Variants in MGAT5B observed in about 807,000 individuals in gnomAD.
MGAT5B encodes alpha-1,6-mannosylglycoprotein 6-beta-N-acetylglucosaminyltransferase B.
Under a neutral mutation model 95.1 loss-of-function variants are expected in MGAT5B, and 54 were observed. The ratio of observed to expected loss-of-function variants is 0.57; its 90% CI spans 0.46 to 0.71. The LOEUF is 0.71. MGAT5B is among the 30% of genes least tolerant of loss of function. MGAT5B has a pLI of 0.00. For synonymous variants in MGAT5B, 464 were observed against 451.0 expected (o/e 1.03, Z -0.36); for missense variants, 935 against 1,088.6 (o/e 0.86, Z 1.99).
chr17:76,938,262 C>CAGGGCAGCAGAGCA lies in MGAT5B; in HGVS notation c.1584+119_1584+120insAGGGCAGCAGAGCA. 7.5e-7 allele frequency: 1 copy of CAGGGCAGCAGAGCA among 1,333,462 alleles called. No individual in the cohort carries two copies. The highest frequency in any genetic ancestry group is 1.5e-5 in the African/African-American group (1 of 68,884). 82.6% of individuals were successfully genotyped at this position (1,333,462 alleles called of 1,614,324 possible). ...ACATATGGACATACCCCAGCATGCT[C>CAGGGCAGCAGAGCA]TGCTGCCCTGAGCCCCACATCTGGC... On this transcript the variant is annotated intron_variant, in intron 13 of 17. Coordinates refer to ENST00000569840, the MANE Select transcript of MGAT5B (RefSeq NM_001199172.2). The surrounding 1 kb of genome is among the most constrained non-coding windows in gnomAD (Gnocchi z 4.3).
chr17:76,883,636 G>A (rs1443919574), intron 3 of MGAT5B, among the ~76,000 whole-genome samples: 3 of 152,172 alleles, frequency 2.0e-5, no homozygotes, highest in East Asian at 3.8e-4. Flanking sequence ...CCAGGGAGAC[G>A]AGCTCCACTT....
At chr17:76,928,414 G>A (rs1160922652) in intron 10 of MGAT5B, among the ~76,000 whole-genome samples, 1 of 152,024 alleles carries the variant, frequency 6.6e-6, no homozygotes, top group Non-Finnish European at 1.5e-5. Flanking sequence ...CACTTAGAAG[G>A]GAAGCAGTCA....
At chr17:76,902,511 AC>A (rs1968349695) in intron 3 of MGAT5B, 43 bp from the exon 4 acceptor site, 3 of 1,459,366 alleles carry the variant, frequency 2.1e-6, no homozygotes, top group East Asian at 5.0e-5. Context: ...TGGGAAGGTC[AC>A]CCCGGCCGGT....
rs756720237 is a variant in MGAT5B, at chr17:76,940,564, C to G, written c.1731+16C>G. On this transcript the variant is annotated intron_variant, in intron 14 of 17. Transcript: ENST00000569840. The surrounding 1 kb of genome is among the most constrained non-coding windows in gnomAD (Gnocchi z 4.3). ...CTCCAGAGAGGTGAGTGGAAAGCAT[C>G]CTGGTCCCCGATCAGGAGGGGCCGG... The G allele has an allele frequency of 1.2e-6, 2 of 1,600,576 alleles. No homozygotes were observed. The highest frequency in any genetic ancestry group is 2.2e-5 in the South Asian group (2 of 89,904).
intron 2 of MGAT5B, among the ~76,000 whole-genome samples, chr17:76,879,889 TA>T (rs1967342593): frequency 6.6e-6 from 1 of 152,164 alleles, no homozygotes; most frequent in Admixed American, 6.5e-5. Flanking sequence ...CAGCCCAAGT[TA>T]TGAGCGATGG....
rs888932334 is a variant in MGAT5B, at chr17:76,949,066, G to A, written c.*228G>A. ...AGGCAGGCTCCGGTTCTCTCCTGGG[G>A]ACTCACAGAAGCATCGTGGCCAAGC... On this transcript the variant is annotated 3_prime_UTR_variant, in exon 18 of 18. Coordinates refer to ENST00000569840, the MANE Select transcript of MGAT5B (RefSeq NM_001199172.2). 4.0e-5 allele frequency: 24 copies of A among 601,500 alleles called. No homozygotes were observed. Among genetic ancestry groups the A allele is most frequent in the African/African-American group, 2.8e-4 (15 of 53,810 alleles). The allele number at this position is 601,500 out of a possible 1,614,324, so 37.3% of individuals were successfully genotyped here.
At chr17:76,892,048 G>T (rs1482220064) in intron 3 of MGAT5B, among the ~76,000 whole-genome samples, 1 of 152,166 alleles carries the variant, frequency 6.6e-6, no homozygotes, top group African/African-American at 2.4e-5. Flanking sequence ...GGGCCAGGAG[G>T]TAGGAAGTCT....
chr17:76,896,985 C>G (rs939391810), intron 3 of MGAT5B, among the ~76,000 whole-genome samples: 25 of 152,068 alleles, frequency 1.6e-4, no homozygotes, highest in Non-Finnish European at 3.7e-4. Context: ...GCAGTGTGAT[C>G]ATGGCTCACT....
At position 76,870,386 on chromosome 17, in the gene MGAT5B, C is replaced by A. The variant is rs746113135; in HGVS notation, c.68+1289C>A. On this transcript the variant is annotated intron_variant, in intron 1 of 17. Transcript: ENST00000569840. This position sits in a 1 kb window ranked among gnomAD's most constrained non-coding sequence, Gnocchi z 5.0. ...CGTCGGGAGCCCATGGGAAGCAGGG[C>A]GGGAAGCAGGCGTCTCTGGAAAGGG... Among the ~76,000 whole-genome samples, 2 of 152,100 alleles carry A rather than the reference C, an allele frequency of 1.3e-5. No individual in the cohort carries two copies. The highest frequency in any genetic ancestry group is 2.4e-5 in the African/African-American group (1 of 41,426).
intron 12 of MGAT5B, among the ~76,000 whole-genome samples, chr17:76,936,350 G>A (rs997551534): frequency 2.0e-5 from 3 of 152,224 alleles, no homozygotes; most frequent in Non-Finnish European, 4.4e-5. Flanking sequence ...GGAGGTTGCA[G>A]TGAGTCGAGA....
At chr17:76,878,672 G>T (rs1967288074) in intron 2 of MGAT5B, among the ~76,000 whole-genome samples, 1 of 151,962 alleles carries the variant, frequency 6.6e-6, no homozygotes. Flanking sequence ...AAGGGGTTTT[G>T]CCATGTTGCC....
intron 3 of MGAT5B, among the ~76,000 whole-genome samples, chr17:76,898,947 A>G (rs1268356003): frequency 2.0e-5 from 3 of 152,216 alleles, no homozygotes; most frequent in African/African-American, 7.2e-5. Context: ...TCCACACAGG[A>G]AAGCCAAGTC....
chr17:76,884,393 G>A (rs1449414559), intron 3 of MGAT5B, among the ~76,000 whole-genome samples: 2 of 151,918 alleles, frequency 1.3e-5, no homozygotes, highest in Non-Finnish European at 2.9e-5. Context: ...GGTTATATGT[G>A]GTTTGGTTTT....
rs975285991 is a variant in MGAT5B at position 76,869,938 on chromosome 17, A to C, written c.68+841A>C. Among the ~76,000 whole-genome samples the C allele has an allele frequency of 1.3e-5, 2 of 151,998 alleles. No individual in the cohort carries two copies. Among genetic ancestry groups the C allele is most frequent in the African/African-American group, 4.8e-5 (2 of 41,398 alleles). ...CCAGGCATCCGCGGAACCGGCCCGC[A>C]GCGGGGTGGGGAGGGGGCGCTGCCC... is the stretch of plus-strand genomic sequence containing the variant. On this transcript the variant is annotated intron_variant, in intron 1 of 17. Coordinates refer to ENST00000569840, the MANE Select transcript of MGAT5B (RefSeq NM_001199172.2). This position sits in a 1 kb window ranked among gnomAD's most constrained non-coding sequence, Gnocchi z 7.0.
In MGAT5B at chr17:76,912,521, G is replaced by T. The variant is rs1968777197; in HGVS notation, c.1025+6334G>T. On this transcript the variant is annotated intron_variant, in intron 8 of 17. Transcript: ENST00000569840. This position sits in a 1 kb window ranked among gnomAD's most constrained non-coding sequence, Gnocchi z 5.0. Reference sequence around the variant, plus strand: ...TGGGAGGCGGTGGGACAAAGACGCGGCTTGTACATTTGTTGTAGTTTATTC... The same window carrying T: ...TGGGAGGCGGTGGGACAAAGACGCGTCTTGTACATTTGTTGTAGTTTATTC... 6.6e-6 allele frequency among the ~76,000 whole-genome samples: 1 copy of T among 152,184 alleles called. No homozygotes were observed. Among genetic ancestry groups the T allele is most frequent in the Non-Finnish European group, 1.5e-5 (1 of 68,042 alleles).
Position 76,915,403 on chromosome 17 carries a change from G to A in MGAT5B, c.1025+9216G>A, listed in dbSNP as rs1968893411. 6.6e-6 allele frequency among the ~76,000 whole-genome samples: 1 copy of A among 152,240 alleles called. No homozygotes were observed. Among genetic ancestry groups the A allele is most frequent in the South Asian group, 2.1e-4 (1 of 4,828 alleles). On this transcript the variant is annotated intron_variant, in intron 8 of 17. Coordinates refer to ENST00000569840, the MANE Select transcript of MGAT5B (RefSeq NM_001199172.2). The surrounding 1 kb of genome is among the most constrained non-coding windows in gnomAD (Gnocchi z 8.7). ...TTTCTATTTTATCTTCGATGCCGGA[G>A]GGGAGAGCATTTCCCACAAGCCAGG...
intron 17 of MGAT5B, 94 bp downstream of exon 17, chr17:76,948,180 C>A: frequency 4.1e-6 from 6 of 1,475,394 alleles, no homozygotes; most frequent in Non-Finnish European, 5.4e-6. Context: ...GGCCCTCAGC[C>A]CTGCCAGTGT....
chr17:76,943,037 C>CCCCA (rs10628067), intron 15 of MGAT5B, among the ~76,000 whole-genome samples: 33 of 151,710 alleles, frequency 2.2e-4, no homozygotes, highest in Admixed American at 7.2e-4. Flanking sequence ...ATAACTTGCC[C>CCCCA]CCCCGGGAGG....
intron 9 of MGAT5B, 31 bp from the exon 10 acceptor site, chr17:76,926,566 G>T (rs1482193140): frequency 1.9e-6 from 3 of 1,590,032 alleles, no homozygotes; most frequent in East Asian, 4.5e-5. Context: ...GGAGGTTGCT[G>T]ACCCTGGTTC....
Sources: gnomAD v4.1 joint callset for allele counts (sites outside exome capture counted in the v4.1 genomes callset) on GRCh38, gnomAD v4.1.1 for gene constraint, Gnocchi (gnomAD v3.1) non-coding constraint, MANE v1.5 for transcripts, NCBI Gene and HGNC (gene_info 2026-07-23, HGNC 2026-07-21) for gene names.